CDKAL1: variants seen among roughly 807,000 people sequenced by gnomAD.
CDKAL1 encodes CDKAL1 threonylcarbamoyladenosine tRNA methylthiotransferase.
A neutral mutation model predicts 68.2 loss-of-function variants in CDKAL1; 32 were observed. The observed-to-expected ratio is 0.47, with a 90% confidence interval of 0.35 to 0.63. The LOEUF is 0.63. Ranked by LOEUF, CDKAL1 falls within the 30% of genes least tolerant of loss-of-function variation. The probability of loss-of-function intolerance (pLI) is 0.00; values close to 1 mark genes in which losing one functional copy is unlikely to be tolerated. For missense variants in CDKAL1, 606 were observed against 696.7 expected (o/e 0.87, Z 1.47); for synonymous variants, 234 against 244.3 (o/e 0.96, Z 0.39).
At chr6:20,864,470 T>G (rs975463195) in intron 9 of CDKAL1, among the ~76,000 whole-genome samples, 15 of 152,320 alleles carry the variant, frequency 9.8e-5, no homozygotes, top group Admixed American at 5.9e-4. Flanking sequence ...GAGTTTCTGA[T>G]AGTGAAATGA....
intron 11 of CDKAL1, among the ~76,000 whole-genome samples, chr6:21,020,647 A>G (rs1244440182): frequency 6.6e-6 from 1 of 151,768 alleles, no homozygotes; most frequent in East Asian, 1.9e-4. Flanking sequence ...TTGTATTTTT[A>G]GTAGAGACGG....
chr6:21,163,121 A>T (rs1207172311), intron 13 of CDKAL1, among the ~76,000 whole-genome samples: 1 of 152,148 alleles, frequency 6.6e-6, no homozygotes, highest in Non-Finnish European at 1.5e-5. Context: ...TCTGCCTTTA[A>T]ATTTAAGCCT....
chr6:21,091,795 C>A (rs1405029250), intron 12 of CDKAL1, among the ~76,000 whole-genome samples: 1 of 149,098 alleles, frequency 6.7e-6, no homozygotes, highest in Non-Finnish European at 1.5e-5. Flanking sequence ...TTAAACAATT[C>A]AACCAGATCA....
chr6:21,231,930 T>C lies in CDKAL1; in HGVS notation c.*891T>C, dbSNP rs1266542629. 1 of 151,642 alleles carries C rather than the reference T, an allele frequency of 6.6e-6. No homozygotes were observed. Among genetic ancestry groups the C allele is most frequent in the African/African-American group, 2.4e-5 (1 of 41,312 alleles). The allele number at this position is 151,642 out of a possible 1,614,324, so 9.4% of individuals were successfully genotyped here. ...GGCAACATTCTGTGAAATATGAAAC[T>C]GGAAAACTGGATTTGTCGAAAACTA... On this transcript the variant is annotated 3_prime_UTR_variant, in exon 16 of 16. Transcript: ENST00000274695.
intron 5 of CDKAL1, among the ~76,000 whole-genome samples, chr6:20,727,000 G>T (rs975990780): frequency 6.6e-6 from 1 of 152,184 alleles, no homozygotes; most frequent in Non-Finnish European, 1.5e-5. Context: ...TATCGGAAAA[G>T]AATGTTTATA....
chr6:20,940,748 C>G (rs1048193378), intron 9 of CDKAL1, among the ~76,000 whole-genome samples: 4 of 152,108 alleles, frequency 2.6e-5, no homozygotes, highest in African/African-American at 7.2e-5. Context: ...AGTTTACATT[C>G]TTTTTTCATA....
intron 10 of CDKAL1, among the ~76,000 whole-genome samples, chr6:20,999,055 C>G (rs1306843267): frequency 6.6e-6 from 1 of 152,030 alleles, no homozygotes; most frequent in Non-Finnish European, 1.5e-5. Context: ...CCATAAGATC[C>G]TTCAAAATAT....
intron 5 of CDKAL1, among the ~76,000 whole-genome samples, chr6:20,696,571 AAAC>A (rs1391819194): frequency 1.3e-5 from 2 of 152,360 alleles, no homozygotes; most frequent in Admixed American, 1.3e-4. Context: ...GATTTGCAAC[AAAC>A]AACAACAAAA....
intron 8 of CDKAL1, 139 bp from the exon 9 acceptor site, chr6:20,845,936 A>G (rs1246714750): frequency 7.8e-6 from 4 of 514,996 alleles, no homozygotes; most frequent in Non-Finnish European, 1.3e-5. Context: ...CATGGTAGAT[A>G]CTTGGTTTTT....
intron 4 of CDKAL1, among the ~76,000 whole-genome samples, chr6:20,575,586 C>A (rs1207713757): frequency 6.6e-6 from 1 of 151,794 alleles, no homozygotes; most frequent in African/African-American, 2.4e-5. Flanking sequence ...TTTCAGAAAC[C>A]ACAGGTCCAA....
chr6:20,880,443 G>A (rs1302437166), intron 9 of CDKAL1, among the ~76,000 whole-genome samples: 3 of 152,018 alleles, frequency 2.0e-5, no homozygotes, highest in Non-Finnish European at 2.9e-5. Context: ...TTTTAGTAGG[G>A]ACAGGGTTTC....
intron 4 of CDKAL1, among the ~76,000 whole-genome samples, chr6:20,629,407 T>C (rs1235476717): frequency 6.6e-6 from 1 of 152,220 alleles, no homozygotes; most frequent in Non-Finnish European, 1.5e-5. Flanking sequence ...TGTAAGGTTA[T>C]TTTTTCCTCT....
Position 20,641,835 on chromosome 6 carries a change from C to T in CDKAL1, c.287-7458C>T, listed in dbSNP as rs202165578. ...TTATATATGTTTGTGTGTGTGCGTG[C>T]GTGTGTGTACACATGTGTATGGGTA... On this transcript the variant is annotated intron_variant, in intron 4 of 15. Transcript: ENST00000274695. Among the ~76,000 whole-genome samples, 4 of 58,554 alleles carry T rather than the reference C, an allele frequency of 6.8e-5. 1 individual carries two copies. Among genetic ancestry groups the T allele is most frequent in the African/African-American group, 1.7e-4 (4 of 23,278 alleles). The allele number at this position is 58,554 out of a possible 152,430, so 38.4% of individuals were successfully genotyped here.
rs1777856536 is a variant in CDKAL1, at chr6:20,834,677, CATT to C, written c.639-11397_639-11395del. Among the ~76,000 whole-genome samples the C allele has an allele frequency of 2.6e-5, 4 of 152,304 alleles. No individual in the cohort carries two copies. The East Asian group carries it at 7.7e-4, about 29-fold the overall frequency. ...AGAAAAAATAGGCAACACATTTCATCATTGTTAATTTTTCTACCATTTAAGTTT... is the reference window on the plus strand; with the variant it reads ...AGAAAAAATAGGCAACACATTTCATCGTTAATTTTTCTACCATTTAAGTTT... On this transcript the variant is annotated intron_variant, in intron 8 of 15. Coordinates refer to ENST00000274695, the MANE Select transcript of CDKAL1 (RefSeq NM_017774.3).
At chr6:20,621,438 C>T (rs140834457) in intron 4 of CDKAL1, among the ~76,000 whole-genome samples, 3 of 152,228 alleles carry the variant, frequency 2.0e-5, no homozygotes, top group Non-Finnish European at 4.4e-5. Context: ...GTGAAGTTTA[C>T]TCTTTTCTTC....
chr6:20,771,933 T>G (rs1774963820), intron 7 of CDKAL1, among the ~76,000 whole-genome samples: 1 of 152,216 alleles, frequency 6.6e-6, no homozygotes, highest in African/African-American at 2.4e-5. Context: ...ACCTCTTTTC[T>G]TTATAAATTA....
chr6:21,001,976 G>A (rs1278299736), intron 11 of CDKAL1, among the ~76,000 whole-genome samples: 1 of 152,174 alleles, frequency 6.6e-6, no homozygotes, highest in Non-Finnish European at 1.5e-5. Context: ...GTGATTAAAC[G>A]AGGTTAAGGA....
At chr6:20,799,900 T>G (rs1259631388) in intron 8 of CDKAL1, 2 of 152,268 alleles carry the variant, frequency 1.3e-5, no homozygotes, top group Non-Finnish European at 2.9e-5. Context: ...CTTGGTCACT[T>G]GTACTCATGA....
chr6:20,623,176 T>G (rs1352959387), intron 4 of CDKAL1, among the ~76,000 whole-genome samples: 1 of 152,088 alleles, frequency 6.6e-6, no homozygotes, highest in East Asian at 1.9e-4. Flanking sequence ...CAAATTTGGT[T>G]GTTGCAGAAA....
Sources: allele counts gnomAD v4.1 joint callset (sites outside exome capture counted in the v4.1 genomes callset), GRCh38; gene constraint gnomAD v4.1.1; transcripts MANE v1.5; gene names NCBI Gene and HGNC (gene_info 2026-07-23, HGNC 2026-07-21).